The following KHDRBS2 variants were observed in gnomAD, a reference collection of about 807,000 sequenced individuals.
The protein encoded by KHDRBS2 is KH domain-containing, RNA-binding, signal transduction-associated protein 2.
In KHDRBS2, 26 loss-of-function variants were observed where a neutral mutation model predicts 44.3. The ratio of observed to expected loss-of-function variants is 0.59; its 90% CI spans 0.43 to 0.81. The LOEUF (loss-of-function observed/expected upper bound fraction) is 0.81. Among genes scored for constraint, KHDRBS2 ranks in the 40% least tolerant of loss-of-function variants. KHDRBS2 has a pLI of 0.00. For missense variants in KHDRBS2, 476 were observed against 433.1 expected (o/e 1.10, Z -0.88); for synonymous variants, 194 against 151.1 (o/e 1.28, Z -2.08).
intron 4 of KHDRBS2, among the ~76,000 whole-genome samples, chr6:61,909,770 T>G (rs1320273553): frequency 6.6e-6 from 1 of 152,206 alleles, no homozygotes; most frequent in South Asian, 2.1e-4. Context: ...TTTGCCCAAA[T>G]ACAAATTGGG....
intron 6 of KHDRBS2, among the ~76,000 whole-genome samples, chr6:61,771,089 C>T (rs1255985776): frequency 6.6e-6 from 1 of 152,088 alleles, no homozygotes; most frequent in Non-Finnish European, 1.5e-5. Context: ...CCAAACTAAG[C>T]TTCATAAGTG....
At chr6:61,660,632 CA>C in the KHDRBS2 span, among the ~76,000 whole-genome samples, 1 of 151,718 alleles carries the variant, frequency 6.6e-6, no homozygotes, top group Non-Finnish European at 1.5e-5. Flanking sequence ...TGTTTCAGAA[CA>C]AATTAGAATT....
chr6:62,075,989 C>G (rs951297651), intron 2 of KHDRBS2, among the ~76,000 whole-genome samples: 6 of 151,496 alleles, frequency 4.0e-5, no homozygotes, highest in Non-Finnish European at 1.5e-5. Context: ...TGCTTTTACT[C>G]TAATTTCTAT....
chr6:61,594,046 A>G, the KHDRBS2 span, among the ~76,000 whole-genome samples: 1 of 152,084 alleles, frequency 6.6e-6, no homozygotes, highest in African/African-American at 2.4e-5. Context: ...GCTCATACAA[A>G]TATGTATACT....
chr6:62,116,326 C>T (rs537857550), intron 2 of KHDRBS2, among the ~76,000 whole-genome samples: 1 of 152,048 alleles, frequency 6.6e-6, no homozygotes, highest in Non-Finnish European at 1.5e-5. Context: ...CAACTTGGTC[C>T]TCTTTGACCA....
intron 3 of KHDRBS2, among the ~76,000 whole-genome samples, chr6:61,999,188 TA>T (rs1238081414): frequency 3.9e-5 from 6 of 152,096 alleles, no homozygotes; most frequent in Non-Finnish European, 8.8e-5. Flanking sequence ...TACATTAGGG[TA>T]AAAATTTGTT....
At chr6:61,916,675 T>A (rs370252943) in intron 4 of KHDRBS2, among the ~76,000 whole-genome samples, 36 of 151,768 alleles carry the variant, frequency 2.4e-4, no homozygotes, top group African/African-American at 8.5e-4. Context: ...AAAAACTCAT[T>A]ACAAATCAAC....
chr6:62,049,297 G>T (rs1788443499), intron 2 of KHDRBS2, among the ~76,000 whole-genome samples: 1 of 151,044 alleles, frequency 6.6e-6, no homozygotes, highest in South Asian at 2.1e-4. Flanking sequence ...GTATGAAAAA[G>T]AACAAAACAA....
intron 6 of KHDRBS2, among the ~76,000 whole-genome samples, chr6:61,753,175 CCT>C (rs574435418): frequency 7.1e-4 from 108 of 152,110 alleles, no homozygotes; most frequent in South Asian, 2.5e-3. Flanking sequence ...CTCTCATTTT[CCT>C]CTCTCTCTCC....
Position 62,138,198 on chromosome 6 carries a change from A to G in KHDRBS2, c.219+38987T>C, listed in dbSNP as rs114141366. ...TTCCTTGATTCCAAATACGGTATAC[A>G]TAAAGGTTATCATATACTCCTCTTC... On this transcript the variant is annotated intron_variant, in intron 2 of 8. Coordinates refer to ENST00000281156, the MANE Select transcript of KHDRBS2 (RefSeq NM_152688.4). Among the ~76,000 whole-genome samples the G allele has an allele frequency of 8.8e-3, 1,333 of 152,306 alleles. 18 individuals are homozygous for G. The highest frequency in any genetic ancestry group is 0.03 in the African/African-American group (1,239 of 41,566).
At chr6:61,667,663 T>C in the KHDRBS2 span, among the ~76,000 whole-genome samples, 1 of 141,600 alleles carries the variant, frequency 7.1e-6, no homozygotes, top group Admixed American at 6.8e-5. Flanking sequence ...TTTTTCCTTA[T>C]GTGACAGCTA....
chr6:61,975,254 C>G (rs936951403), intron 4 of KHDRBS2, among the ~76,000 whole-genome samples: 8 of 152,010 alleles, frequency 5.3e-5, no homozygotes, highest in African/African-American at 1.7e-4. Context: ...AAAATTAATC[C>G]CTTTCGCAGA....
intron 5 of KHDRBS2, among the ~76,000 whole-genome samples, chr6:61,895,458 C>G (rs1802776034): frequency 6.6e-6 from 1 of 152,250 alleles, no homozygotes; most frequent in South Asian, 2.1e-4. Context: ...TGCCTGTAAC[C>G]CCCTGAACTG....
At chr6:61,994,888 G>A (rs943524070) in intron 3 of KHDRBS2, among the ~76,000 whole-genome samples, 1 of 152,078 alleles carries the variant, frequency 6.6e-6, no homozygotes, top group African/African-American at 2.4e-5. Context: ...GCAAGTGGGT[G>A]AAGCAGTATT....
At chr6:62,009,031 A>G (rs1779803677) in intron 3 of KHDRBS2, among the ~76,000 whole-genome samples, 1 of 152,208 alleles carries the variant, frequency 6.6e-6, no homozygotes, top group South Asian at 2.1e-4. Context: ...AATGGGTAAC[A>G]GGCAGAGGTT....
At chr6:61,808,369 C>T (rs1376740773) in intron 6 of KHDRBS2, among the ~76,000 whole-genome samples, 1 of 152,026 alleles carries the variant, frequency 6.6e-6, no homozygotes, top group Admixed American at 6.6e-5. Flanking sequence ...AAACATAAAA[C>T]TTATATTTTA....
chr6:62,060,488 G>A (rs1334525670), intron 2 of KHDRBS2, among the ~76,000 whole-genome samples: 1 of 151,602 alleles, frequency 6.6e-6, no homozygotes, highest in African/African-American at 2.4e-5. Flanking sequence ...ATAATTCACT[G>A]GATTTGGCAA....
At chr6:61,554,298 C>T in the KHDRBS2 span, among the ~76,000 whole-genome samples, 2 of 151,672 alleles carry the variant, frequency 1.3e-5, no homozygotes, top group Non-Finnish European at 2.9e-5. Flanking sequence ...GGTTTAAAGT[C>T]TGTTTTATCT....
At chr6:61,977,953 A>T in intron 4 of KHDRBS2, 113 bp downstream of exon 4, 1 of 874,848 alleles carries the variant, frequency 1.1e-6, no homozygotes, top group Non-Finnish European at 1.8e-6. Flanking sequence ...ACCTGTGGAT[A>T]GATCATTGGT....
Sources: allele counts gnomAD v4.1 joint callset (sites outside exome capture counted in the v4.1 genomes callset), GRCh38; gene constraint gnomAD v4.1.1; transcripts MANE v1.5; gene names NCBI Gene and HGNC (gene_info 2026-07-23, HGNC 2026-07-21).